Variants in PODN observed in about 807,000 individuals in gnomAD.
PODN encodes podocan.
A neutral mutation model predicts 52.7 loss-of-function variants in PODN; 40 were observed. That is an observed-to-expected ratio of 0.76 (90% CI 0.59 to 0.99). The LOEUF (loss-of-function observed/expected upper bound fraction) is 0.99, where lower values mean the gene tolerates loss of function less well. Among genes scored for constraint, PODN ranks in the 50% least tolerant of loss-of-function variants. The pLI is 0.00. For synonymous variants in PODN, 396 were observed against 377.9 expected (o/e 1.05, Z -0.56); for missense variants, 720 against 815.1 (o/e 0.88, Z 1.42).
intron 5 of PODN, among the ~76,000 whole-genome samples, chr1:53,076,741 C>T (rs1295728076): frequency 6.6e-6 from 1 of 152,018 alleles, no homozygotes; most frequent in South Asian, 2.1e-4. Context: ...TGGATGAGGG[C>T]CACCTCCTCT....
In PODN at chr1:53,082,099, C is replaced by A; in HGVS notation, c.1780C>A (p.Arg594Ser). ...EFGDISKDRGRLGKEKEEEEE... is the reference protein window; with the variant it reads ...EFGDISKDRGSLGKEKEEEEE... ...TGGTGACATTTCCAAGGACCGTGGC[C>A]GCTTGGGGAAGGAAAAGGAGGAGGA... The change falls in exon 10 of 11, where the codon CGC becomes AGC. Residue 594 changes from arginine to serine, a missense_variant. By Grantham distance (110) the Arg-to-Ser change is moderately radical (BLOSUM62 -1). Coordinates refer to ENST00000312553, the MANE Select transcript of PODN (RefSeq NM_153703.5). 6.2e-7 allele frequency: 1 copy of A among 1,613,586 alleles called. No individual in the cohort carries two copies. Among genetic ancestry groups the A allele is most frequent in the Non-Finnish European group, 8.5e-7 (1 of 1,179,880 alleles).
intron 1 of PODN, chr1:53,066,825 A>G (rs780081824): frequency 6.5e-7 from 1 of 1,549,150 alleles, no homozygotes; most frequent in Non-Finnish European, 8.7e-7. Flanking sequence ...ACAGATTTTT[A>G]CAGATACCAA....
chr1:53,066,685 T>C, intron 1 of PODN: 5 of 775,890 alleles, frequency 6.4e-6, no homozygotes, highest in Non-Finnish European at 1.0e-5. Context: ...AGCTCAGCTT[T>C]GCCACTTAAC....
Position 53,062,281 on chromosome 1 carries a change from G to T in PODN, c.-83G>T. ...CTGGGGGAGCGCGTTCGGCCTGTGGGGCGCCGCTCGGCGCCGGGGCGCAGC... is the reference window on the plus strand; with the variant it reads ...CTGGGGGAGCGCGTTCGGCCTGTGGTGCGCCGCTCGGCGCCGGGGCGCAGC... On this transcript the variant is annotated 5_prime_UTR_variant, in exon 1 of 11. Transcript: ENST00000312553. The T allele has an allele frequency of 7.9e-7, 1 of 1,261,064 alleles. No individual in the cohort carries two copies. The highest frequency in any genetic ancestry group is 4.1e-5 in the Admixed American group (1 of 24,436). 78.1% of individuals were successfully genotyped at this position (1,261,064 alleles called of 1,614,324 possible).
chr1:53,066,731 C>A, intron 1 of PODN: 4 of 1,354,892 alleles, frequency 3.0e-6, no homozygotes, highest in Non-Finnish European at 4.1e-6. Context: ...GGCTCAGCTC[C>A]CTGAGTTGTA....
intron 1 of PODN, among the ~76,000 whole-genome samples, chr1:53,064,338 T>C (rs962752038): frequency 6.6e-6 from 1 of 152,210 alleles, no homozygotes; most frequent in African/African-American, 2.4e-5. Context: ...AGGAGAGGCT[T>C]CCCTGAGCAG....
chr1:53,082,699 G>A (rs1314260296), intron 10 of PODN, among the ~76,000 whole-genome samples: 1 of 152,196 alleles, frequency 6.6e-6, no homozygotes, highest in Non-Finnish European at 1.5e-5. Flanking sequence ...GCACACGGAT[G>A]CACCAACACA....
At position 53,068,472 on chromosome 1, in the gene PODN, T is replaced by A. The variant is rs115670443; in HGVS notation, c.-55-1329T>A. On this transcript the variant is annotated intron_variant, in intron 1 of 10. Coordinates refer to ENST00000312553, the MANE Select transcript of PODN (RefSeq NM_153703.5). ...CCTTGCCGCTGTCCCTGCTGCTCAC[T>A]TAGTGCAGCATGTTGCTGTGTGTCA... 4.9e-3 allele frequency among the ~76,000 whole-genome samples: 747 copies of A among 152,308 alleles called. 6 individuals carry two copies. Among genetic ancestry groups the A allele is most frequent in the African/African-American group, 0.017 (725 of 41,568 alleles).
At chr1:53,063,436 G>A (rs1325145705) in intron 1 of PODN, 1 of 985,474 alleles carries the variant, frequency 1.0e-6, no homozygotes, top group African/African-American at 1.7e-5. Flanking sequence ...AGAGCCCCTG[G>A]GTGGTCCCGT....
chr1:53,069,810 G>T lies in PODN; in HGVS notation c.-46G>T, dbSNP rs1314817744. ...CCACTGTACCTCACAGGTTCCGTCAGCCCTGGCGCCCAGGCGCATCTGACT... is the reference window on the plus strand; with the variant it reads ...CCACTGTACCTCACAGGTTCCGTCATCCCTGGCGCCCAGGCGCATCTGACT... On this transcript the variant is annotated 5_prime_UTR_variant, in exon 2 of 11. Coordinates refer to ENST00000312553, the MANE Select transcript of PODN (RefSeq NM_153703.5). The T allele has an allele frequency of 5.7e-6, 9 of 1,581,128 alleles. No individual in the cohort carries two copies. Among genetic ancestry groups the T allele is most frequent in the Non-Finnish European group, 7.7e-6 (9 of 1,164,390 alleles).
intron 3 of PODN, among the ~76,000 whole-genome samples, chr1:53,072,205 T>C (rs1297098323): frequency 6.6e-6 from 1 of 152,050 alleles, no homozygotes; most frequent in Non-Finnish European, 1.5e-5. Context: ...AAATACAGGA[T>C]TCTATTTCAA....
rs1249201583 is a variant in PODN at position 53,071,579 on chromosome 1, G to A, written c.357G>A (p.Leu119=). Residue 119 remains leucine (L), a synonymous_variant, in exon 3 of 11, where the codon CTG becomes CTA. Coordinates refer to ENST00000312553, the MANE Select transcript of PODN (RefSeq NM_153703.5). ...EKIYPEELSR[L]HRLETLNLQN... Reference sequence around the variant, plus strand: ...TCTACCCTGAGGAGCTCTCCCGGCTGCACCGGCTGGAGACGCTGAACCTGC... The same window carrying A: ...TCTACCCTGAGGAGCTCTCCCGGCTACACCGGCTGGAGACGCTGAACCTGC... 6.2e-7 allele frequency: 1 copy of A among 1,613,992 alleles called. No individual in the cohort carries two copies. The highest frequency in any genetic ancestry group is 2.2e-5 in the East Asian group (1 of 44,882).
In PODN at chr1:53,080,795, T is replaced by G. The variant is rs748981638; in HGVS notation, c.1580T>G (p.Leu527Arg). 6.8e-6 allele frequency: 11 copies of G among 1,614,018 alleles called. No homozygotes were observed. Among genetic ancestry groups the G allele is most frequent in the Non-Finnish European group, 9.3e-6 (11 of 1,180,030 alleles). Residue 527 changes from leucine (L) to arginine (R), a missense_variant, in exon 9 of 11, where the codon CTG becomes CGG. Coordinates refer to ENST00000312553, the MANE Select transcript of PODN (RefSeq NM_153703.5). ...PEGLPESLEY[L>R]YLQNNKISAV... Reference sequence around the variant, plus strand: ...GGGCTCCCCGAGTCACTTGAGTACCTGTACCTGCAGAACAACAAGATTAGT... The same window carrying G: ...GGGCTCCCCGAGTCACTTGAGTACCGGTACCTGCAGAACAACAAGATTAGT...
intron 4 of PODN, 36 bp from the exon 5 acceptor site, chr1:53,075,826 C>T (rs891938146): frequency 3.2e-6 from 5 of 1,538,924 alleles, no homozygotes; most frequent in Non-Finnish European, 3.5e-6. Context: ...CTCTGCTCCT[C>T]CATTGCTCTT....
chr1:53,083,885 G>A (rs1644327598), intron 10 of PODN, among the ~76,000 whole-genome samples: 1 of 152,144 alleles, frequency 6.6e-6, no homozygotes, highest in Non-Finnish European at 1.5e-5. Context: ...GGGGTCACAG[G>A]GCCAGGACGT....
intron 1 of PODN, chr1:53,066,787 A>G: frequency 1.3e-6 from 2 of 1,534,328 alleles, no homozygotes; most frequent in Non-Finnish European, 1.8e-6. Context: ...ATGTTAATAT[A>G]AATTCAATAT....
In PODN at chr1:53,071,560, C is replaced by T. The variant is rs1644117942; in HGVS notation, c.338C>T (p.Pro113Leu). The T allele has an allele frequency of 6.2e-7, 1 of 1,614,040 alleles. No homozygotes were observed. The highest frequency in any genetic ancestry group is 1.1e-5 in the South Asian group (1 of 91,070). ...LQNNQLEKIY[P>L]EELSRLHRLE... ...AACAACCAGCTGGAAAAGATCTACC[C>T]TGAGGAGCTCTCCCGGCTGCACCGG... Residue 113 changes from proline (P) to leucine (L), a missense_variant, in exon 3 of 11, where the codon CCT (proline) becomes CTT (leucine). Physicochemically the swap from Pro to Leu is moderately conservative, Grantham distance 98. Coordinates refer to ENST00000312553, the MANE Select transcript of PODN (RefSeq NM_153703.5).
intron 1 of PODN, among the ~76,000 whole-genome samples, chr1:53,066,470 T>C (rs761420029): frequency 1.1e-3 from 167 of 152,298 alleles, no homozygotes; most frequent in South Asian, 2.3e-3. Context: ...GGACACTACA[T>C]TTTACACTTA....
At chr1:53,076,344 C>T (rs956390256) in intron 5 of PODN, among the ~76,000 whole-genome samples, 5 of 152,190 alleles carry the variant, frequency 3.3e-5, no homozygotes, top group Non-Finnish European at 7.3e-5. Flanking sequence ...GCCGGGGAGC[C>T]GCCTCCAGGA....
Sources: allele counts gnomAD v4.1 joint callset (sites outside exome capture counted in the v4.1 genomes callset), GRCh38; gene constraint gnomAD v4.1.1; transcripts MANE v1.5; gene names NCBI Gene and HGNC (gene_info 2026-07-23, HGNC 2026-07-21).